The following RAVER2 variants were observed in gnomAD, a reference collection of about 807,000 sequenced individuals.
The protein encoded by RAVER2 is ribonucleoprotein PTB-binding 2.
A neutral mutation model predicts 78.1 loss-of-function variants in RAVER2; 46 were observed. That is an observed-to-expected ratio of 0.59 (90% CI 0.46 to 0.75). The LOEUF is 0.75. Among genes scored for constraint, RAVER2 ranks in the 30% least tolerant of loss-of-function variants. The probability of loss-of-function intolerance (pLI) is 0.00; values close to 1 mark genes in which losing one functional copy is unlikely to be tolerated. For missense variants in RAVER2, 793 were observed against 837.5 expected (o/e 0.95, Z 0.66); for synonymous variants, 311 against 313.3 (o/e 0.99, Z 0.08).
chr1:64,827,499 A>G (rs1570588318), intron 11 of RAVER2, among the ~76,000 whole-genome samples: 1 of 152,352 alleles, frequency 6.6e-6, no homozygotes, highest in Non-Finnish European at 1.5e-5. Flanking sequence ...GGTTTCAGCC[A>G]ACCCTAAAAA....
At chr1:64,767,949 A>T (rs896001986) in intron 1 of RAVER2, among the ~76,000 whole-genome samples, 1 of 152,066 alleles carries the variant, frequency 6.6e-6, no homozygotes, top group South Asian at 2.1e-4. Context: ...TAATAATAGA[A>T]GCAGAATGAA....
intron 2 of RAVER2, 144 bp from the exon 3 acceptor site, chr1:64,777,479 G>A (rs1652497431): frequency 1.6e-6 from 1 of 644,494 alleles, no homozygotes; most frequent in Non-Finnish European, 2.6e-6. Context: ...ACAATGCATT[G>A]CATATAGTAG....
At chr1:64,812,385 AGG>A (rs1185427119) in intron 9 of RAVER2, among the ~76,000 whole-genome samples, 6 of 147,512 alleles carry the variant, frequency 4.1e-5, no homozygotes, top group Admixed American at 2.0e-4. Flanking sequence ...AAAAAAAAAT[AGG>A]TAGATAGATA....
At chr1:64,773,105 A>T (rs576857785) in intron 2 of RAVER2, among the ~76,000 whole-genome samples, 1 of 152,224 alleles carries the variant, frequency 6.6e-6, no homozygotes, top group African/African-American at 2.4e-5. Context: ...AGGGAGACAG[A>T]GTCTAGGTTA....
intron 11 of RAVER2, among the ~76,000 whole-genome samples, chr1:64,817,859 A>G (rs961191730): frequency 6.6e-6 from 1 of 152,106 alleles, no homozygotes; most frequent in African/African-American, 2.4e-5. Flanking sequence ...TATGTAACAA[A>G]CCTGCACGTT....
chr1:64,800,124 G>GT (rs200870142), intron 5 of RAVER2, among the ~76,000 whole-genome samples: 14 of 138,988 alleles, frequency 1.0e-4, no homozygotes, highest in African/African-American at 2.4e-4. Context: ...GTGTTTTTTT[G>GT]TTTTTTGTTT....
At chr1:64,772,001 T>C (rs998028065) in intron 2 of RAVER2, among the ~76,000 whole-genome samples, 2 of 152,056 alleles carry the variant, frequency 1.3e-5, no homozygotes, top group African/African-American at 4.8e-5. Flanking sequence ...GCCTTCAAAT[T>C]AGACCCAATA....
intron 11 of RAVER2, among the ~76,000 whole-genome samples, chr1:64,827,402 A>G (rs1654028482): frequency 6.6e-6 from 1 of 152,202 alleles, no homozygotes; most frequent in Non-Finnish European, 1.5e-5. Context: ...CGTTGAAGTT[A>G]TGCCCATTCT....
At chr1:64,823,509 G>A (rs1653934735) in intron 11 of RAVER2, among the ~76,000 whole-genome samples, 1 of 152,158 alleles carries the variant, frequency 6.6e-6, no homozygotes, top group Non-Finnish European at 1.5e-5. Context: ...CTGTCAATAT[G>A]AATGTACAAA....
chr1:64,786,686 G>T (rs982213590), intron 4 of RAVER2, among the ~76,000 whole-genome samples: 8 of 152,060 alleles, frequency 5.3e-5, no homozygotes, highest in Non-Finnish European at 1.0e-4. Context: ...CCAACTACTT[G>T]GGAGGCTGAG....
At chr1:64,826,551 ATG>A (rs1397296708) in intron 11 of RAVER2, among the ~76,000 whole-genome samples, 1 of 152,126 alleles carries the variant, frequency 6.6e-6, no homozygotes, top group African/African-American at 2.4e-5. Context: ...AGAATAGGAG[ATG>A]ATGTCACAGT....
intron 5 of RAVER2, among the ~76,000 whole-genome samples, chr1:64,800,055 T>C (rs1653215050): frequency 6.6e-6 from 1 of 152,184 alleles, no homozygotes; most frequent in South Asian, 2.1e-4. Context: ...GTCATTTATA[T>C]GCCTTCTGAG....
chr1:64,814,514 A>C lies in RAVER2; in HGVS notation c.1793-190A>C, dbSNP rs572326650. On this transcript the variant is annotated intron_variant, in intron 10 of 11. Transcript: ENST00000294428. The stretch of plus-strand genomic sequence containing the variant: ...AGTATTATATACTTCTCAGGGGAAA[A>C]TTATTTAGTTATATATTGGCAAACT... Among the ~76,000 whole-genome samples the C allele has an allele frequency of 2.4e-4, 37 of 152,194 alleles. 1 individual carries two copies. In the South Asian group the frequency reaches 6.4e-3, roughly 26 times the overall value.
chr1:64,749,362 C>T (rs1384943872), intron 1 of RAVER2, among the ~76,000 whole-genome samples: 2 of 152,182 alleles, frequency 1.3e-5, no homozygotes, highest in Non-Finnish European at 2.9e-5. Context: ...AGGCATGTGC[C>T]ACCACGCTCG....
intron 8 of RAVER2, among the ~76,000 whole-genome samples, chr1:64,806,559 T>C (rs1653423844): frequency 6.6e-6 from 1 of 152,250 alleles, no homozygotes; most frequent in South Asian, 2.1e-4. Context: ...TGATAAGTGT[T>C]TAACAACCAG....
At position 64,780,274 on chromosome 1, in the gene RAVER2, G is replaced by T. The variant is rs565843069; in HGVS notation, c.787-1106G>T. 9.3e-4 allele frequency among the ~76,000 whole-genome samples: 142 copies of T among 152,172 alleles called. 1 individual carries two copies. Among genetic ancestry groups the T allele is most frequent in the African/African-American group, 3.3e-3 (138 of 41,526 alleles). On this transcript the variant is annotated intron_variant, in intron 3 of 11. Coordinates refer to ENST00000294428, the Ensembl canonical transcript of RAVER2. ...TTTTACAAACCTGATTTTAAGAACT[G>T]GTTTGGATTATAAGAGGAATAGGGT...
chr1:64,769,817 G>T (rs754451385), intron 2 of RAVER2, among the ~76,000 whole-genome samples: 8 of 152,004 alleles, frequency 5.3e-5, no homozygotes, highest in Non-Finnish European at 7.4e-5. Flanking sequence ...TTGAGATTGT[G>T]CAGAAGTTTG....
intron 11 of RAVER2, among the ~76,000 whole-genome samples, chr1:64,819,970 A>G (rs898163027): frequency 2.6e-5 from 4 of 152,100 alleles, no homozygotes; most frequent in Non-Finnish European, 4.4e-5. Flanking sequence ...AAGACTATAT[A>G]TTTTCTCTTA....
At chr1:64,764,737 C>T (rs1436418295) in intron 1 of RAVER2, among the ~76,000 whole-genome samples, 1 of 152,166 alleles carries the variant, frequency 6.6e-6, no homozygotes, top group Non-Finnish European at 1.5e-5. Context: ...ATGTGTAGGG[C>T]ATGCCAGCAG....
Sources: gnomAD v4.1 joint callset for allele counts (sites outside exome capture counted in the v4.1 genomes callset) on GRCh38, gnomAD v4.1.1 for gene constraint, MANE v1.5 for transcripts, NCBI Gene and HGNC (gene_info 2026-07-23, HGNC 2026-07-21) for gene names.